The following SLC5A4 variants were observed in gnomAD, a reference collection of about 807,000 sequenced individuals.
The protein encoded by SLC5A4 is probable glucose sensor protein SLC5A4.
A neutral mutation model predicts 70.3 loss-of-function variants in SLC5A4; 55 were observed. That is an observed-to-expected ratio of 0.78 (90% confidence interval 0.63 to 0.98). The LOEUF is 0.98. Among genes scored for constraint, SLC5A4 ranks in the 50% least tolerant of loss-of-function variants. The probability of loss-of-function intolerance (pLI) is 0.00; values close to 1 mark genes in which losing one functional copy is unlikely to be tolerated. For missense variants in SLC5A4, 735 were observed against 839.2 expected (o/e 0.88, Z 1.53); for synonymous variants, 268 against 305.7 (o/e 0.88, Z 1.29).
At chr22:32,335,876 A>G in the SLC5A4 span, among the ~76,000 whole-genome samples, 1 of 152,196 alleles carries the variant, frequency 6.6e-6, no homozygotes, top group Non-Finnish European at 1.5e-5. Flanking sequence ...TAGGAGGAGC[A>G]GGGAGCGAGC....
intron 2 of SLC5A4, 137 bp from the exon 3 acceptor site, chr22:32,252,011 C>A: frequency 1.6e-6 from 1 of 607,694 alleles, no homozygotes; most frequent in Non-Finnish European, 3.0e-6. Flanking sequence ...GGGTGGATCA[C>A]AAGGTCAGGA....
At chr22:32,308,389 C>T in the SLC5A4 span, among the ~76,000 whole-genome samples, 40 of 152,276 alleles carry the variant, frequency 2.6e-4, no homozygotes, top group Admixed American at 1.1e-3. Flanking sequence ...GTGTGGACAG[C>T]GGCTAGAGGG....
At chr22:32,304,972 G>A in the SLC5A4 span, among the ~76,000 whole-genome samples, 4 of 151,872 alleles carry the variant, frequency 2.6e-5, no homozygotes, top group African/African-American at 9.7e-5. Context: ...ACCATTTCTT[G>A]AAAAGACTAT....
chr22:32,293,569 AC>A, the SLC5A4 span, among the ~76,000 whole-genome samples: 2 of 152,038 alleles, frequency 1.3e-5, no homozygotes, highest in Non-Finnish European at 2.9e-5. Context: ...CTTAATTTAT[AC>A]CCCTCCTGTG....
At chr22:32,330,583 G>GGGGT in the SLC5A4 span, among the ~76,000 whole-genome samples, 1 of 124,544 alleles carries the variant, frequency 8.0e-6, no homozygotes, top group South Asian at 3.0e-4. Context: ...TGGGGGCTGT[G>GGGGT]GTGTGTGTGT....
At chr22:32,312,031 A>G in the SLC5A4 span, among the ~76,000 whole-genome samples, 1 of 152,042 alleles carries the variant, frequency 6.6e-6, no homozygotes, top group African/African-American at 2.4e-5. Context: ...GGGGTTAATC[A>G]TACCTGCCTC....
the SLC5A4 span, among the ~76,000 whole-genome samples, chr22:32,279,200 C>T: frequency 2.6e-5 from 4 of 152,172 alleles, no homozygotes; most frequent in East Asian, 5.8e-4. Context: ...GGCGTGAACC[C>T]GGGAGGCGGA....
chr22:32,328,726 G>A, the SLC5A4 span, among the ~76,000 whole-genome samples: 2 of 152,240 alleles, frequency 1.3e-5, no homozygotes, highest in African/African-American at 4.8e-5. Flanking sequence ...CACAGAAAGA[G>A]TTAAACGCTT....
the SLC5A4 span, chr22:32,271,102 G>A: frequency 3.4e-6 from 2 of 593,636 alleles, no homozygotes; most frequent in Non-Finnish European, 6.2e-6. Context: ...GAAGCAGCCA[G>A]CCCCTGCCGA....
the SLC5A4 span, among the ~76,000 whole-genome samples, chr22:32,299,617 A>G: frequency 2.0e-5 from 2 of 102,330 alleles, no homozygotes; most frequent in Non-Finnish European, 4.2e-5. Context: ...CCCATAGCTC[A>G]GAGTAATTTG....
chr22:32,297,749 G>A, the SLC5A4 span, among the ~76,000 whole-genome samples: 4 of 121,592 alleles, frequency 3.3e-5, 1 homozygote, highest in Non-Finnish European at 7.2e-5. Flanking sequence ...TGATTTTAGG[G>A]TGTCAATTTT....
the SLC5A4 span, among the ~76,000 whole-genome samples, chr22:32,310,437 C>A: frequency 6.6e-6 from 1 of 152,226 alleles, no homozygotes; most frequent in African/African-American, 2.4e-5. Flanking sequence ...CAAGGCACTG[C>A]ACGTGGGACA....
At chr22:32,339,199 C>T in the SLC5A4 span, among the ~76,000 whole-genome samples, 1 of 152,162 alleles carries the variant, frequency 6.6e-6, no homozygotes, top group Non-Finnish European at 1.5e-5. Flanking sequence ...GTCGTAGCTG[C>T]GTGTGAGTGG....
At chr22:32,336,213 C>T in the SLC5A4 span, among the ~76,000 whole-genome samples, 93 of 152,200 alleles carry the variant, frequency 6.1e-4, no homozygotes, top group African/African-American at 2.2e-3. Flanking sequence ...TGTAGGATCT[C>T]GCGTCTTCCA....
At chr22:32,316,934 C>CTGTG in the SLC5A4 span, among the ~76,000 whole-genome samples, 31,333 of 148,452 alleles carry the variant, frequency 0.21, 3,233 homozygotes, top group African/African-American at 0.23. Flanking sequence ...ATTAACAACT[C>CTGTG]TGTGTGTGTG....
At chr22:32,283,322 G>A in the SLC5A4 span, among the ~76,000 whole-genome samples, 5 of 152,264 alleles carry the variant, frequency 3.3e-5, no homozygotes, top group African/African-American at 9.6e-5. Flanking sequence ...CTTTACCTCT[G>A]TGCTTACCTT....
chr22:32,315,569 CATATT>C, the SLC5A4 span, among the ~76,000 whole-genome samples: 1 of 151,952 alleles, frequency 6.6e-6, no homozygotes, highest in Non-Finnish European at 1.5e-5. Context: ...GATATCATGT[CATATT>C]ATAATTATGA....
At chr22:32,320,039 G>A in the SLC5A4 span, among the ~76,000 whole-genome samples, 3 of 152,276 alleles carry the variant, frequency 2.0e-5, no homozygotes, top group South Asian at 4.1e-4. Flanking sequence ...CAAAGGATCC[G>A]GGAAGGGAGA....
At chr22:32,220,870 G>T (rs1359860619) in intron 14 of SLC5A4, 50 bp downstream of exon 14, 2 of 1,128,746 alleles carry the variant, frequency 1.8e-6, no homozygotes, top group Non-Finnish European at 2.7e-6. Flanking sequence ...CCATAAACAA[G>T]CCTGTGCACA....
Sources: gnomAD v4.1 joint callset for allele counts (sites outside exome capture counted in the v4.1 genomes callset) on GRCh38, gnomAD v4.1.1 for gene constraint, MANE v1.5 for transcripts, NCBI Gene and HGNC (gene_info 2026-07-23, HGNC 2026-07-21) for gene names.